TRIM55: variants seen among roughly 807,000 people sequenced by gnomAD.
TRIM55 encodes tripartite motif containing 55.
TRIM55 carries 50 observed loss-of-function variants against 60.9 expected under a neutral mutation model. The observed-to-expected ratio is 0.82, with a 90% CI of 0.65 to 1.04. TRIM55 has a LOEUF of 1.04. Ranked by LOEUF, TRIM55 falls within the 50% of genes least tolerant of loss-of-function variation. The pLI is 0.00. For missense variants in TRIM55, 681 were observed against 666.9 expected, an observed-to-expected ratio of 1.02 and a Z score of -0.23; for synonymous variants, 237 against 238.1, an observed-to-expected ratio of 1.00 and a Z score of 0.04.
intron 9 of TRIM55, among the ~76,000 whole-genome samples, chr8:66,163,210 T>TA (rs1020944822): frequency 1.3e-4 from 20 of 152,202 alleles, no homozygotes; most frequent in East Asian, 9.6e-4. Flanking sequence ...GTTCCATCTT[T>TA]AAAAAAAACC....
chr8:66,122,411 G>T (rs1006168023), upstream of TRIM55, among the ~76,000 whole-genome samples: 3 of 152,176 alleles, frequency 2.0e-5, no homozygotes, highest in African/African-American at 7.2e-5. Flanking sequence ...CCAAGCCAAT[G>T]TTCATCTTGC....
intron 2 of TRIM55, among the ~76,000 whole-genome samples, chr8:66,130,953 G>A (rs967094113): frequency 6.6e-6 from 1 of 152,012 alleles, no homozygotes; most frequent in Non-Finnish European, 1.5e-5. Flanking sequence ...GAGCCACTGC[G>A]CCCAGCCAAA....
chr8:66,137,895 G>A (rs1040737518), intron 4 of TRIM55, among the ~76,000 whole-genome samples: 21 of 152,074 alleles, frequency 1.4e-4, no homozygotes, highest in African/African-American at 5.1e-4. Context: ...TGTCATTACC[G>A]GAGGCCTTTA....
Position 66,171,515 on chromosome 8 carries a change from T to TGTAAA in TRIM55, c.1525-2956_1525-2955insGTAAA, listed in dbSNP as rs1811632304. Among the ~76,000 whole-genome samples, 4 of 152,326 alleles carry TGTAAA rather than the reference T, an allele frequency of 2.6e-5. No individual in the cohort carries two copies. In the South Asian group the frequency reaches 8.3e-4, roughly 32 times the overall value. ...AAACATGTGACTGTAATATGGACTATCAATCTGTTGTTTACCTTTTTATAC... is the reference window on the plus strand; with the variant it reads ...AAACATGTGACTGTAATATGGACTATGTAAACAATCTGTTGTTTACCTTTTTATAC... On this transcript the variant is annotated intron_variant, in intron 9 of 9. Coordinates refer to ENST00000315962, the MANE Select transcript of TRIM55 (RefSeq NM_184085.2).
chr8:66,161,819 C>T (rs550273825), intron 9 of TRIM55, among the ~76,000 whole-genome samples: 1 of 146,278 alleles, frequency 6.8e-6, no homozygotes, highest in African/African-American at 2.6e-5. Flanking sequence ...TCAAGAATAG[C>T]TTGGCTGCTG....
At chr8:66,133,577 C>T (rs2128974088) in intron 2 of TRIM55, among the ~76,000 whole-genome samples, 2 of 152,304 alleles carry the variant, frequency 1.3e-5, no homozygotes, top group South Asian at 4.1e-4. Context: ...CATATTGCTG[C>T]AAGACCAGAC....
At chr8:66,135,782 T>C (rs1809449841) in intron 3 of TRIM55, among the ~76,000 whole-genome samples, 1 of 152,118 alleles carries the variant, frequency 6.6e-6, no homozygotes, top group Admixed American at 6.6e-5. Context: ...CCCCTAATTC[T>C]GAGCAGACAG....
intron 9 of TRIM55, among the ~76,000 whole-genome samples, 195 bp from the exon 10 acceptor site, chr8:66,174,276 T>C (rs1811798457): frequency 1.3e-5 from 2 of 151,912 alleles, no homozygotes; most frequent in African/African-American, 2.4e-5. Flanking sequence ...TGAATTATTT[T>C]CATGACTCTT....
At chr8:66,160,356 G>GGTGTGTGTGTGTGTGTGTGTGT (rs35422649) in intron 9 of TRIM55, among the ~76,000 whole-genome samples, 1 of 145,968 alleles carries the variant, frequency 6.9e-6, no homozygotes, top group African/African-American at 2.5e-5. Context: ...AGTATTCCAT[G>GGTGTGTGTGTGTGTGTGTGTGT]GTGTGTGTGT....
chr8:66,157,417 A>T (rs1372914166), intron 9 of TRIM55, among the ~76,000 whole-genome samples: 2 of 152,162 alleles, frequency 1.3e-5, no homozygotes, highest in Non-Finnish European at 2.9e-5. Flanking sequence ...CCGGCCTCTG[A>T]GAATATTTTG....
intron 9 of TRIM55, among the ~76,000 whole-genome samples, chr8:66,157,591 T>C (rs1810815473): frequency 6.6e-6 from 1 of 152,206 alleles, no homozygotes. Flanking sequence ...CTTATCTCTC[T>C]TTACTAGGTG....
Position 66,137,121 on chromosome 8 carries a change from C to G in TRIM55, c.534C>G (p.Ile178Met), listed in dbSNP as rs774548818. The G allele has an allele frequency of 6.2e-7, 1 of 1,614,122 alleles. No individual in the cohort carries two copies. Among genetic ancestry groups the G allele is most frequent in the East Asian group, 2.2e-5 (1 of 44,870 alleles). Reference protein sequence around the residue: ...QKSELSDGIAILVGSNDRVQG... With the variant: ...QKSELSDGIAMLVGSNDRVQG... ...CTGAGCTCAGTGATGGCATCGCCAT[C>G]CTCGTGGGCAGCAACGATCGAGTCC... The change falls in exon 4 of 10, where the codon ATC becomes ATG. Residue 178 changes from isoleucine (I) to methionine (M), a missense_variant. Ile to Met is a conservative substitution (Grantham distance 10). Coordinates refer to ENST00000315962, the MANE Select transcript of TRIM55 (RefSeq NM_184085.2).
At chr8:66,143,089 G>C (rs1419436504) in intron 4 of TRIM55, among the ~76,000 whole-genome samples, 1 of 152,192 alleles carries the variant, frequency 6.6e-6, no homozygotes, top group Non-Finnish European at 1.5e-5. Context: ...GCTCTAACAA[G>C]TATGTCTCGA....
intron 4 of TRIM55, among the ~76,000 whole-genome samples, chr8:66,144,577 G>C (rs1024175840): frequency 1.3e-5 from 2 of 152,334 alleles, no homozygotes; most frequent in East Asian, 1.9e-4. Flanking sequence ...TGCACACACA[G>C]AGGATGTAGG....
At chr8:66,133,641 G>A (rs1388453574) in intron 2 of TRIM55, among the ~76,000 whole-genome samples, 1 of 152,182 alleles carries the variant, frequency 6.6e-6, no homozygotes, top group Non-Finnish European at 1.5e-5. Context: ...GGAAGTCCGT[G>A]CAATTTTCTT....
chr8:66,173,735 TG>T (rs1811766741), intron 9 of TRIM55, among the ~76,000 whole-genome samples: 1 of 152,242 alleles, frequency 6.6e-6, no homozygotes, highest in Non-Finnish European at 1.5e-5. Context: ...CATTAAGTTG[TG>T]ATTTTTAAAG....
chr8:66,140,490 G>C (rs1340308539), intron 4 of TRIM55, among the ~76,000 whole-genome samples: 3 of 152,252 alleles, frequency 2.0e-5, no homozygotes, highest in Non-Finnish European at 2.9e-5. Context: ...GCCCCATGGA[G>C]GTCTCCGACT....
chr8:66,122,544 G>C (rs1177435983), upstream of TRIM55, among the ~76,000 whole-genome samples: 1 of 152,060 alleles, frequency 6.6e-6, no homozygotes, highest in Non-Finnish European at 1.5e-5. Context: ...CCTCAACCTT[G>C]GCAAAATTAA....
At chr8:66,166,975 T>A (rs1811361419) in intron 9 of TRIM55, among the ~76,000 whole-genome samples, 1 of 152,152 alleles carries the variant, frequency 6.6e-6, no homozygotes, top group African/African-American at 2.4e-5. Context: ...TTTCTAGGCC[T>A]CCACTCCTGG....
Sources: gnomAD v4.1 joint callset for allele counts (sites outside exome capture counted in the v4.1 genomes callset) on GRCh38, gnomAD v4.1.1 for gene constraint, MANE v1.5 for transcripts, NCBI Gene and HGNC (gene_info 2026-07-23, HGNC 2026-07-21) for gene names.